The following ZNF605 variants were observed in gnomAD, a reference collection of about 807,000 sequenced individuals.
The protein encoded by ZNF605 is zinc finger protein 605.
In ZNF605, 9 loss-of-function variants were observed where a neutral mutation model predicts 7.9. The observed-to-expected ratio is 1.14, with a 90% CI of 0.68 to 1.98. The LOEUF (loss-of-function observed/expected upper bound fraction) is 1.98, where lower values mean the gene tolerates loss of function less well. Ranked by LOEUF, ZNF605 falls within the 30% of genes most tolerant of loss-of-function variation. The pLI, the probability that ZNF605 is intolerant of heterozygous loss-of-function variation, is 0.00. For synonymous variants in ZNF605, 255 were observed against 260.1 expected, an observed-to-expected ratio of 0.98 and a Z score of 0.19; for missense variants, 673 against 762.4, an observed-to-expected ratio of 0.88 and a Z score of 1.38.
chr12:132,932,222 G>C (rs1175607322), intron 4 of ZNF605, among the ~76,000 whole-genome samples: 3 of 152,070 alleles, frequency 2.0e-5, no homozygotes, highest in Non-Finnish European at 4.4e-5. Context: ...TCCACAGCAT[G>C]AGGATTACAG....
chr12:132,932,089 G>C (rs1952313947), intron 4 of ZNF605, among the ~76,000 whole-genome samples: 1 of 152,100 alleles, frequency 6.6e-6, no homozygotes, highest in Non-Finnish European at 1.5e-5. Flanking sequence ...ATATTTGGCT[G>C]AATTATTATT....
intron 3 of ZNF605, among the ~76,000 whole-genome samples, chr12:132,943,722 G>GT (rs145042583): frequency 6.7e-6 from 1 of 149,504 alleles, no homozygotes; most frequent in Non-Finnish European, 1.5e-5. Context: ...AATTGCTGGA[G>GT]TTTTTTGTTC....
intron 4 of ZNF605, among the ~76,000 whole-genome samples, chr12:132,930,891 T>A (rs1435397056): frequency 1.3e-5 from 2 of 152,096 alleles, no homozygotes; most frequent in African/African-American, 4.8e-5. Context: ...CCCTGTAATC[T>A]CAGTTTCCCT....
intron 4 of ZNF605, among the ~76,000 whole-genome samples, chr12:132,927,377 A>T (rs368739950): frequency 2.0e-5 from 3 of 152,042 alleles, no homozygotes; most frequent in Non-Finnish European, 4.4e-5. Context: ...GTTTATATAT[A>T]TTTTTTTGAG....
rs1952217153 is a variant in ZNF605 at position 132,922,923 on chromosome 12, G to A, written c.*2450C>T. ...TGTTCAAACCTATGAAGAAACCCCA[G>A]TCTCTAGAAGACAGCCTCAGGGGGG... On this transcript the variant is annotated 3_prime_UTR_variant, in exon 5 of 5. Transcript: ENST00000360187. The A allele has an allele frequency of 6.6e-6, 1 of 152,220 alleles. No homozygotes were observed. Among genetic ancestry groups the A allele is most frequent in the African/African-American group, 2.4e-5 (1 of 41,442 alleles). The allele number at this position is 152,220 out of a possible 1,614,324, so 9.4% of individuals were successfully genotyped here.
rs1952196785 is a variant in ZNF605 at position 132,920,621 on chromosome 12, G to A, written c.*4752C>T. The A allele has an allele frequency of 6.6e-6, 1 of 152,134 alleles. No homozygotes were observed. The highest frequency in any genetic ancestry group is 1.5e-5 in the Non-Finnish European group (1 of 68,038). The allele number at this position is 152,134 out of a possible 1,614,324, so 9.4% of individuals were successfully genotyped here. A position where few individuals can be genotyped will look rare whatever the true frequency, so the allele number is the denominator to read the frequency against. On this transcript the variant is annotated 3_prime_UTR_variant, in exon 5 of 5. Coordinates refer to ENST00000360187, the MANE Select transcript of ZNF605 (RefSeq NM_183238.4). ...CATACTAAATAATTTAAATTAATAT[G>A]GTGATGGAGTGTGTGGCGTTGGAAG...
In ZNF605 at chr12:132,926,058, A is replaced by C; in HGVS notation, c.1241T>G (p.Ile414Ser). ...TCCATATGGTTTCTCTCCTAAGTGAATTTTTTGATGTCTTATTAACTCTGA... is the reference window on the plus strand; with the variant it reads ...TCCATATGGTTTCTCTCCTAAGTGACTTTTTTGATGTCTTATTAACTCTGA... ...KKSELIRHQKIHLGEKPYGCI... is the reference protein window; with the variant it reads ...KKSELIRHQKSHLGEKPYGCI... Residue 414 changes from isoleucine (I) to serine (S), a missense_variant, in exon 5 of 5, where the codon ATT (isoleucine) becomes AGT (serine). Physicochemically the swap from Ile to Ser is moderately radical, Grantham distance 142 (BLOSUM62 -2). Transcript: ENST00000360187. The C allele has an allele frequency of 2.5e-6, 4 of 1,614,140 alleles. No homozygotes were observed. The highest frequency in any genetic ancestry group is 3.4e-6 in the Non-Finnish European group (4 of 1,180,028).
At chr12:132,939,163 A>G (rs1313975188) in intron 3 of ZNF605, among the ~76,000 whole-genome samples, 1 of 152,132 alleles carries the variant, frequency 6.6e-6, no homozygotes, top group Non-Finnish European at 1.5e-5. Flanking sequence ...ACTGGCAGGC[A>G]GCTCCACCTG....
intron 4 of ZNF605, among the ~76,000 whole-genome samples, chr12:132,927,897 C>A (rs1952264839): frequency 6.6e-6 from 1 of 152,094 alleles, no homozygotes. Flanking sequence ...CCTCATGATC[C>A]ACCTGCCTCG....
chr12:132,934,390 A>G (rs961356104), intron 3 of ZNF605, among the ~76,000 whole-genome samples: 6 of 152,214 alleles, frequency 3.9e-5, no homozygotes, highest in African/African-American at 1.4e-4. Flanking sequence ...ATCTTCCAAA[A>G]CACACATATT....
rs1952293793 is a variant in ZNF605 at position 132,930,225 on chromosome 12, G to A, written c.136+2810C>T. Among the ~76,000 whole-genome samples, 3 of 152,102 alleles carry A rather than the reference G, an allele frequency of 2.0e-5. No homozygotes were observed. In the South Asian group the frequency reaches 6.2e-4, roughly 32 times the overall value. On this transcript the variant is annotated intron_variant, in intron 4 of 4. Coordinates refer to ENST00000360187, the MANE Select transcript of ZNF605 (RefSeq NM_183238.4). ...TTTAATATCCTTCTTGTAGAGATGGGGTCTTGCTATGTTGCCCAGGCGGGC... is the reference window on the plus strand; with the variant it reads ...TTTAATATCCTTCTTGTAGAGATGGAGTCTTGCTATGTTGCCCAGGCGGGC...
rs1024685322 is a variant in ZNF605 at position 132,941,767 on chromosome 12, C to T, written c.15+3854G>A. Among the ~76,000 whole-genome samples the T allele has an allele frequency of 3.3e-5, 5 of 152,024 alleles. No homozygotes were observed. The highest frequency in any genetic ancestry group is 4.1e-4 in the South Asian group (2 of 4,822). ...CCCTCCGTCACGCGTCCCTCTTCTC[C>T]GGGCTGCCCTCCGTCACGCGCCCTT... is the stretch of plus-strand genomic sequence containing the variant. On this transcript the variant is annotated intron_variant, in intron 3 of 4. Transcript: ENST00000360187. The surrounding 1 kb of genome is among the most constrained non-coding windows in gnomAD (Gnocchi z 5.1).
At position 132,933,230 on chromosome 12, in the gene ZNF605, T is replaced by C; in HGVS notation, c.16-75A>G. On this transcript the variant is annotated intron_variant, in intron 3 of 4. Coordinates refer to ENST00000360187, the MANE Select transcript of ZNF605 (RefSeq NM_183238.4). The surrounding 1 kb of genome is among the most constrained non-coding windows in gnomAD (Gnocchi z 4.4). ...TGTAAAATACTTTCTTCTGTATTTG[T>C]GGTAGGTGGCCTCTAAGATGGCCCC... 6.6e-7 allele frequency: 1 copy of C among 1,506,522 alleles called. No individual in the cohort carries two copies. The allele number at this position is 1,506,522 out of a possible 1,614,324, so 93.3% of individuals were successfully genotyped here. A position where few individuals can be genotyped will look rare whatever the true frequency, so the allele number is the denominator to read the frequency against.
chr12:132,934,344 C>G (rs987525323), intron 3 of ZNF605, among the ~76,000 whole-genome samples: 7 of 152,126 alleles, frequency 4.6e-5, no homozygotes, highest in African/African-American at 1.7e-4. Flanking sequence ...GGGAGTGATT[C>G]TGCTCCCAAG....
intron 4 of ZNF605, among the ~76,000 whole-genome samples, chr12:132,929,047 A>AG (rs1251395198): frequency 2.0e-5 from 3 of 150,506 alleles, no homozygotes; most frequent in East Asian, 3.9e-4. Context: ...AACAAAACAA[A>AG]AAAACCCCAA....
At chr12:132,945,276 T>A in intron 3 of ZNF605, 1 of 796,878 alleles carries the variant, frequency 1.3e-6, no homozygotes, top group South Asian at 1.6e-5. Context: ...GACTTTTGTA[T>A]GTTTCTATAA....
intron 3 of ZNF605, among the ~76,000 whole-genome samples, chr12:132,943,590 G>A (rs1262881511): frequency 6.6e-6 from 1 of 152,114 alleles, no homozygotes; most frequent in Non-Finnish European, 1.5e-5. Context: ...TTTCTCAGGT[G>A]CTAATGCAAG....
At chr12:132,935,929 T>C (rs1207832989) in intron 3 of ZNF605, among the ~76,000 whole-genome samples, 3 of 141,116 alleles carry the variant, frequency 2.1e-5, no homozygotes, top group South Asian at 2.2e-4. Flanking sequence ...GGCGTGGTGG[T>C]GGGTGCCTGT....
Position 132,923,745 on chromosome 12 carries a change from AATCTT to A in ZNF605, c.*1623_*1627del, listed in dbSNP as rs1952223260. The A allele has an allele frequency of 6.6e-6, 1 of 152,142 alleles. No individual in the cohort carries two copies. The highest frequency in any genetic ancestry group is 1.5e-5 in the Non-Finnish European group (1 of 68,014). 9.4% of individuals were successfully genotyped at this position (152,142 alleles called of 1,614,324 possible). A position where few individuals can be genotyped will look rare whatever the true frequency, so the allele number is the denominator to read the frequency against. ...GGTATTGTTTTCACCAGATTTGGAAAATCTTTAGCCATTATTTATTCAAATACTTC... is the reference window on the plus strand; with the variant it reads ...GGTATTGTTTTCACCAGATTTGGAAATAGCCATTATTTATTCAAATACTTC... On this transcript the variant is annotated 3_prime_UTR_variant, in exon 5 of 5. Coordinates refer to ENST00000360187, the MANE Select transcript of ZNF605 (RefSeq NM_183238.4).
Sources: allele counts gnomAD v4.1 joint callset (sites outside exome capture counted in the v4.1 genomes callset), GRCh38; gene constraint gnomAD v4.1.1; non-coding constraint Gnocchi (gnomAD v3.1); transcripts MANE v1.5; gene names NCBI Gene and HGNC (gene_info 2026-07-23, HGNC 2026-07-21).